CTNNA2: variants seen among roughly 807,000 people sequenced by gnomAD.
The protein encoded by CTNNA2 is catenin alpha-2.
CTNNA2 carries 42 observed loss-of-function variants against 101.0 expected under a neutral mutation model. The ratio of observed to expected loss-of-function variants is 0.42; its 90% CI spans 0.32 to 0.54. The LOEUF (loss-of-function observed/expected upper bound fraction) is 0.54, where lower values mean the gene tolerates loss of function less well. Ranked by LOEUF, CTNNA2 falls within the 20% of genes least tolerant of loss-of-function variation. The probability of loss-of-function intolerance (pLI) is 0.14; values close to 1 mark genes in which losing one functional copy is unlikely to be tolerated. For missense variants in CTNNA2, 871 were observed against 1,223.1 expected (o/e 0.71, Z 4.29); for synonymous variants, 450 against 456.4 (o/e 0.99, Z 0.18).
At chr2:79,777,321 CTTG>C (rs1212263495) in intron 3 of CTNNA2, among the ~76,000 whole-genome samples, 2 of 142,692 alleles carry the variant, frequency 1.4e-5, no homozygotes, top group African/African-American at 5.1e-5. Context: ...ATACCAAACA[CTTG>C]TTATGTGTGT....
In CTNNA2 at chr2:80,604,157, T is replaced by C; in HGVS notation, c.2273T>C (p.Leu758Ser). 1 of 1,612,976 alleles carries C rather than the reference T, an allele frequency of 6.2e-7. No individual in the cohort carries two copies. Residue 758 changes from leucine (L) to serine (S), a missense_variant, in exon 16 of 19, where the codon TTA becomes TCA. Transcript: ENST00000402739. ...GAAGCAGGTTCTCGAATGGACAAAT[T>C]AGCTCGTGCTGTGGCTGATCAGGTA... ...IAEAGSRMDK[L>S]ARAVADQCPD...
At chr2:79,656,624 A>G (rs908952911) in intron 2 of CTNNA2, among the ~76,000 whole-genome samples, 2 of 152,102 alleles carry the variant, frequency 1.3e-5, no homozygotes, top group Non-Finnish European at 2.9e-5. Flanking sequence ...TTATTGTATA[A>G]TGTTGAAATG....
intron 1 of CTNNA2, among the ~76,000 whole-genome samples, chr2:79,543,927 T>G (rs1398235356): frequency 6.6e-6 from 1 of 151,984 alleles, no homozygotes; most frequent in Non-Finnish European, 1.5e-5. Context: ...TGGACAAAAT[T>G]AGTCAACAAG....
At chr2:79,314,794 C>A (rs1443643678) in intron 3 of CTNNA2, among the ~76,000 whole-genome samples, 1 of 152,144 alleles carries the variant, frequency 6.6e-6, no homozygotes, top group African/African-American at 2.4e-5. Context: ...GTTTCAAATT[C>A]TTTCCCTGAG....
At chr2:79,976,634 C>T (rs1162547815) in intron 7 of CTNNA2, among the ~76,000 whole-genome samples, 1 of 152,194 alleles carries the variant, frequency 6.6e-6, no homozygotes, top group African/African-American at 2.4e-5. Flanking sequence ...ATTACGATTA[C>T]ATTTTAACCT....
In CTNNA2 at chr2:79,858,075, G is replaced by A. The variant is rs372361564; in HGVS notation, c.361G>A (p.Gly121Ser). Residue 121 changes from glycine (G) to serine (S), a missense_variant, in exon 4 of 19, where the codon GGC (glycine) becomes AGC (serine). This residue lies in a region of CTNNA2 where 647 missense variants were observed against 831.5 expected (regional missense o/e 0.78). Coordinates refer to ENST00000402739, the MANE Select transcript of CTNNA2 (RefSeq NM_001282597.3). ...ADDPCSSVKR[G>S]TMVRAARALL... ...TGACCCTTGCTCGTCGGTAAAGCGC[G>A]GCACCATGGTACGGGCGGCAAGGGC... 5.0e-6 allele frequency: 8 copies of A among 1,614,160 alleles called. No individual in the cohort carries two copies. The highest frequency in any genetic ancestry group is 1.1e-5 in the South Asian group (1 of 91,082).
At chr2:80,645,020 A>C (rs987529927) in intron 18 of CTNNA2, among the ~76,000 whole-genome samples, 1 of 152,152 alleles carries the variant, frequency 6.6e-6, no homozygotes, top group Non-Finnish European at 1.5e-5. Context: ...TTCTCTTCAG[A>C]TCAGCTCAAT....
chr2:80,317,455 T>C (rs556234513), intron 7 of CTNNA2, among the ~76,000 whole-genome samples: 1 of 152,192 alleles, frequency 6.6e-6, no homozygotes, highest in Admixed American at 6.5e-5. Flanking sequence ...ATTGATGATA[T>C]AAAGTGATTT....
At position 80,533,848 on chromosome 2, in the gene CTNNA2, C is replaced by T. The variant is rs113673942; in HGVS notation, c.1291-11134C>T. On this transcript the variant is annotated intron_variant, in intron 9 of 18. Transcript: ENST00000402739. The stretch of plus-strand genomic sequence containing the variant: ...AGTAATTAAAAGGGCATTACATTCC[C>T]GGCATGGTTTAAGGTAAGACATGAT... 2.4e-4 allele frequency among the ~76,000 whole-genome samples: 37 copies of T among 152,216 alleles called. 1 individual carries two copies. Among genetic ancestry groups the T allele is most frequent in the Middle Eastern group, 6.8e-3 (2 of 294 alleles).
At chr2:79,192,457 A>G (rs1253249794) in intron 1 of CTNNA2, among the ~76,000 whole-genome samples, 1 of 152,204 alleles carries the variant, frequency 6.6e-6, no homozygotes, top group Non-Finnish European at 1.5e-5. Flanking sequence ...GTCTGGGTAG[A>G]CATCAACTAA....
intron 3 of CTNNA2, among the ~76,000 whole-genome samples, chr2:79,810,799 T>C (rs1265712028): frequency 1.3e-5 from 2 of 152,024 alleles, no homozygotes; most frequent in Non-Finnish European, 1.5e-5. Context: ...GTCCTTCAGA[T>C]AGTTTGCTGA....
At position 79,347,426 on chromosome 2, in the gene CTNNA2, G is replaced by A. The variant is rs142805925; in HGVS notation, c.-317-26405G>A. Reference sequence around the variant, plus strand: ...GATAATAATAGTACTTTACTTAAAGGGTTGTTGGGAGAATTAAATAAAATA... The same window carrying A: ...GATAATAATAGTACTTTACTTAAAGAGTTGTTGGGAGAATTAAATAAAATA... On this transcript the variant is annotated intron_variant, in intron 3 of 21. Transcript: ENST00000466387. Among the ~76,000 whole-genome samples, 4 of 152,186 alleles carry A rather than the reference G, an allele frequency of 2.6e-5. No homozygotes were observed. In the South Asian group the frequency reaches 6.2e-4, roughly 24 times the overall value.
intron 7 of CTNNA2, among the ~76,000 whole-genome samples, chr2:80,268,633 A>G (rs1054019814): frequency 6.6e-6 from 1 of 152,184 alleles, no homozygotes; most frequent in Non-Finnish European, 1.5e-5. Context: ...ATGAAAATTT[A>G]TATCCCCCAA....
chr2:80,283,896 G>T (rs530029553), intron 7 of CTNNA2, among the ~76,000 whole-genome samples: 1 of 152,226 alleles, frequency 6.6e-6, no homozygotes, highest in African/African-American at 2.4e-5. Context: ...GAGGGAGAAG[G>T]AGGAGGGAAA....
chr2:80,424,007 G>A (rs1320353348), intron 9 of CTNNA2, among the ~76,000 whole-genome samples: 1 of 151,948 alleles, frequency 6.6e-6, no homozygotes. Flanking sequence ...CTGGGCTGGA[G>A]TGCAGTGGCG....
chr2:79,442,536 C>T (rs62156999), intron 4 of CTNNA2, among the ~76,000 whole-genome samples: 7,005 of 152,168 alleles, frequency 0.046, 274 homozygotes, highest in East Asian at 0.11. Context: ...TAAGAACTAG[C>T]CTTTCTAAAT....
intron 7 of CTNNA2, among the ~76,000 whole-genome samples, chr2:80,135,326 C>A (rs551090930): frequency 1.3e-5 from 2 of 152,252 alleles, no homozygotes; most frequent in South Asian, 4.1e-4. Flanking sequence ...GGCTCAAAAG[C>A]CAGCAGGCCT....
At chr2:79,408,314 ATT>A (rs1310544938) in intron 4 of CTNNA2, among the ~76,000 whole-genome samples, 6 of 150,760 alleles carry the variant, frequency 4.0e-5, no homozygotes, top group African/African-American at 1.2e-4. Flanking sequence ...TATTATTATT[ATT>A]ATAATACTTT....
chr2:79,515,458 T>C (rs1437048269), intron 1 of CTNNA2, among the ~76,000 whole-genome samples: 4 of 152,206 alleles, frequency 2.6e-5, no homozygotes, highest in Non-Finnish European at 5.9e-5. Flanking sequence ...CTATGGGCTT[T>C]GCTCTTTCTT....
Sources: allele counts gnomAD v4.1 joint callset (sites outside exome capture counted in the v4.1 genomes callset), GRCh38; gene constraint gnomAD v4.1.1; regional missense constraint gnomAD v4.1.1; transcripts MANE v1.5; gene names NCBI Gene and HGNC (gene_info 2026-07-23, HGNC 2026-07-21).